Variants in UTY observed in about 807,000 individuals in gnomAD.
The protein encoded by UTY is histone demethylase UTY.
In UTY, 12 loss-of-function variants were observed where a neutral mutation model predicts 32.5. That is an observed-to-expected ratio of 0.37 (90% CI 0.24 to 0.60). The LOEUF (loss-of-function observed/expected upper bound fraction) is 0.60. UTY is among the 20% of genes least tolerant of loss of function. The pLI is 0.69. For synonymous variants in UTY, 131 were observed against 103.4 expected, an observed-to-expected ratio of 1.27 and a Z score of -1.62; for missense variants, 303 against 299.2, an observed-to-expected ratio of 1.01 and a Z score of -0.09.
intron 4 of UTY, among the ~76,000 whole-genome samples, chrY:13,435,584 G>T: frequency 2.9e-5 from 1 of 34,401 alleles, no homozygotes; most frequent in Non-Finnish European, 7.3e-5. Flanking sequence ...CATTTTGGGC[G>T]TGAGCCTACT....
intron 4 of UTY, among the ~76,000 whole-genome samples, chrY:13,446,907 TACA>T (rs2075956911): frequency 9.3e-5 from 3 of 32,261 alleles, no homozygotes; most frequent in African/African-American, 3.7e-4. Context: ...ATGGTAGCAC[TACA>T]ACGACAGACA....
chrY:13,477,114 T>C, intron 2 of UTY, among the ~76,000 whole-genome samples: 3 of 33,785 alleles, frequency 8.9e-5, no homozygotes, highest in Admixed American at 2.7e-4. Flanking sequence ...TACTTTATTA[T>C]ACATACTGTA....
chrY:13,339,316 CAGAAGGAG>C (rs2061334559), intron 17 of UTY, among the ~76,000 whole-genome samples: 2 of 33,406 alleles, frequency 6.0e-5, no homozygotes, highest in Non-Finnish European at 1.5e-4. Context: ...AGTTTCAGCC[CAGAAGGAG>C]AATGGCCCTC....
intron 27 of UTY, among the ~76,000 whole-genome samples, chrY:13,296,302 C>T (rs111403616): frequency 7.4e-4 from 25 of 33,727 alleles, no homozygotes; most frequent in African/African-American, 2.7e-3. Flanking sequence ...CTACTTTCCA[C>T]GCCTTTCTGT....
At chrY:13,356,524 C>T (rs2062941383) in intron 15 of UTY, among the ~76,000 whole-genome samples, 1 of 29,388 alleles carries the variant, frequency 3.4e-5, no homozygotes, top group Admixed American at 3.1e-4. Context: ...AGTGGAAAGG[C>T]GTGGTGCCTC....
chrY:13,341,335 T>C (rs2061467757), intron 17 of UTY, among the ~76,000 whole-genome samples: 1 of 32,633 alleles, frequency 3.1e-5, no homozygotes, highest in Non-Finnish European at 7.5e-5. Context: ...GTAGACTTGA[T>C]GGCGGTGGTC....
At chrY:13,297,670 C>T in intron 27 of UTY, 37 bp downstream of exon 27, 1 of 397,623 alleles carries the variant, frequency 2.5e-6, no homozygotes, top group South Asian at 3.0e-5. Flanking sequence ...ACCAATACCC[C>T]CAAAGAGAAA....
At chrY:13,295,555 G>A (rs2057981859) in intron 27 of UTY, among the ~76,000 whole-genome samples, 1 of 33,598 alleles carries the variant, frequency 3.0e-5, no homozygotes, top group Non-Finnish European at 7.4e-5. Context: ...CATTAGTCCC[G>A]AAAAGTCTTA....
Position 13,360,545 on chromosome Y carries a change from T to A in UTY, c.867-17A>T. The A allele has an allele frequency of 5.6e-6, 2 of 355,457 alleles. No homozygotes were observed. The highest frequency in any genetic ancestry group is 8.1e-6 in the Non-Finnish European group (2 of 247,689). The allele number at this position is 355,457 out of a possible 400,897, so 88.7% of individuals were successfully genotyped here. A position where few individuals can be genotyped will look rare whatever the true frequency, so the allele number is the denominator to read the frequency against. ...GAATAACACCTAAAAGGAAAAAATATAAATAAATACAATTCCATTAATAAT... is the reference window on the plus strand; with the variant it reads ...GAATAACACCTAAAAGGAAAAAATAAAAATAAATACAATTCCATTAATAAT... On this transcript the variant is annotated splice_polypyrimidine_tract_variant and intron_variant, in intron 10 of 29. Transcript: ENST00000545955.
At chrY:13,294,829 A>C (rs2057933907) in intron 27 of UTY, among the ~76,000 whole-genome samples, 1 of 33,445 alleles carries the variant, frequency 3.0e-5, no homozygotes, top group Non-Finnish European at 7.4e-5. Flanking sequence ...AGGCCGAGGC[A>C]GGTGGATCGC....
chrY:13,448,380 A>T, intron 4 of UTY, among the ~76,000 whole-genome samples: 1 of 33,132 alleles, frequency 3.0e-5, no homozygotes, highest in African/African-American at 1.2e-4. Flanking sequence ...ATGTTTTCTT[A>T]TTCTTTTGAG....
Position 13,470,223 on chromosome Y carries a change from G to A in UTY, c.223C>T (p.Arg75Cys), listed in dbSNP as rs779820442. 5 of 387,825 alleles carry A rather than the reference G, an allele frequency of 1.3e-5. No homozygotes were observed. Among genetic ancestry groups the A allele is most frequent in the Admixed American group, 1.6e-4 (2 of 12,351 alleles). ...RTKTLLGKAV[R>C]CYESLILKAE... ...TTTAAGATTAAAGATTCGTAGCAGC[G>A]AACAGCCTAGAAATAAAAATTATAA... is the stretch of plus-strand genomic sequence containing the variant. The change falls in exon 3 of 30, where the codon CGC becomes TGC. Residue 75 changes from arginine (R) to cysteine (C), a missense_variant. Transcript: ENST00000545955.
At chrY:13,335,123 A>C (rs2060965743) in intron 18 of UTY, among the ~76,000 whole-genome samples, 1 of 33,138 alleles carries the variant, frequency 3.0e-5, no homozygotes, top group African/African-American at 1.2e-4. Context: ...TACACTCCTA[A>C]GTGGGAGTTG....
chrY:13,281,291 T>G, intron 27 of UTY, among the ~76,000 whole-genome samples: 1 of 33,974 alleles, frequency 2.9e-5, no homozygotes, highest in Non-Finnish European at 7.3e-5. Flanking sequence ...TTTGCTTGTT[T>G]TTGCAATCAG....
intron 6 of UTY, among the ~76,000 whole-genome samples, chrY:13,401,056 T>C (rs752128698): frequency 3.0e-5 from 1 of 33,723 alleles, no homozygotes; most frequent in South Asian, 6.7e-4. Context: ...AGAGTAGAGA[T>C]CTTTAAGAGG....
chrY:13,333,164 T>C (rs2060808040), intron 18 of UTY, among the ~76,000 whole-genome samples: 1 of 33,285 alleles, frequency 3.0e-5, no homozygotes, highest in Non-Finnish European at 7.4e-5. Flanking sequence ...AAGTAATTTA[T>C]AGATTCAATG....
chrY:13,319,818 G>A, intron 21 of UTY, among the ~76,000 whole-genome samples: 1 of 33,454 alleles, frequency 3.0e-5, no homozygotes, highest in African/African-American at 1.2e-4. Flanking sequence ...TTGGTTTCAT[G>A]CTGTTTTTAT....
At chrY:13,313,996 T>C (rs961072783) in intron 21 of UTY, among the ~76,000 whole-genome samples, 1 of 33,046 alleles carries the variant, frequency 3.0e-5, no homozygotes, top group Non-Finnish European at 7.4e-5. Flanking sequence ...AGCTAAACAC[T>C]GAGTACATAT....
chrY:13,303,385 G>A (rs2058492962), intron 24 of UTY, among the ~76,000 whole-genome samples: 1 of 33,326 alleles, frequency 3.0e-5, no homozygotes, highest in Non-Finnish European at 7.4e-5. Flanking sequence ...GACACCACAG[G>A]CACCTACCCA....
Sources: gnomAD v4.1 joint callset for allele counts (sites outside exome capture counted in the v4.1 genomes callset) on GRCh38, gnomAD v4.1.1 for gene constraint, MANE v1.5 for transcripts, NCBI Gene and HGNC (gene_info 2026-07-23, HGNC 2026-07-21) for gene names.